UST: variants seen among roughly 807,000 people sequenced by gnomAD.
The protein encoded by UST is uronyl 2-sulfotransferase, also known as chondroitin sulfate 2-O-sulfotransferase.
UST carries 21 observed loss-of-function variants against 45.6 expected under a neutral mutation model. The observed-to-expected ratio is 0.46, with a 90% CI of 0.33 to 0.66. UST has a LOEUF of 0.66. UST is among the 30% of genes least tolerant of loss of function. UST has a pLI of 0.02. For synonymous variants in UST, 215 were observed against 200.6 expected (o/e 1.07, Z -0.61); for missense variants, 463 against 512.4 (o/e 0.90, Z 0.93).
intron 2 of UST, among the ~76,000 whole-genome samples, chr6:148,932,849 G>A (rs1444794970): frequency 6.6e-6 from 1 of 152,230 alleles, no homozygotes; most frequent in African/African-American, 2.4e-5. Flanking sequence ...TTAATATTTA[G>A]AAGTGCAGGA....
chr6:148,832,498 A>G (rs1406536583), intron 1 of UST, among the ~76,000 whole-genome samples: 2 of 152,202 alleles, frequency 1.3e-5, no homozygotes, highest in African/African-American at 4.8e-5. Flanking sequence ...TAATTTAAAG[A>G]TGTAGCTGAG....
chr6:149,005,381 G>A (rs561887575), intron 5 of UST: 3 of 985,418 alleles, frequency 3.0e-6, no homozygotes, highest in East Asian at 1.1e-4. Context: ...AGAAGAATTC[G>A]GGATCTGACA....
chr6:149,032,107 G>A (rs1390140435), intron 7 of UST, among the ~76,000 whole-genome samples: 1 of 152,174 alleles, frequency 6.6e-6, no homozygotes, highest in Non-Finnish European at 1.5e-5. Flanking sequence ...AGAGGCAGGA[G>A]AAGGATCCGC....
At chr6:148,832,694 C>T (rs911710585) in intron 1 of UST, among the ~76,000 whole-genome samples, 2 of 152,188 alleles carry the variant, frequency 1.3e-5, no homozygotes, top group Non-Finnish European at 2.9e-5. Context: ...TTAGAAAATG[C>T]AAATCCAGTG....
intron 2 of UST, among the ~76,000 whole-genome samples, chr6:148,927,371 CTT>C (rs376287233): frequency 2.0e-5 from 3 of 152,080 alleles, no homozygotes; most frequent in African/African-American, 7.2e-5. Context: ...GTTGAACAAA[CTT>C]TACTTTGGAT....
chr6:148,964,948 T>C (rs956331033), intron 5 of UST, among the ~76,000 whole-genome samples: 12 of 152,046 alleles, frequency 7.9e-5, no homozygotes, highest in Admixed American at 7.2e-4. Context: ...CCCATTCAGT[T>C]CCCATGACCA....
At chr6:148,823,272 TAAAG>T (rs1777500449) in intron 1 of UST, among the ~76,000 whole-genome samples, 1 of 152,212 alleles carries the variant, frequency 6.6e-6, no homozygotes, top group Non-Finnish European at 1.5e-5. Context: ...TTTATCTAAA[TAAAG>T]CAAACTAGAA....
chr6:148,848,398 C>T (rs1285384051), intron 1 of UST, among the ~76,000 whole-genome samples: 1 of 152,166 alleles, frequency 6.6e-6, no homozygotes, highest in Non-Finnish European at 1.5e-5. Context: ...TAAGGCTGGG[C>T]ATGGTGGCTC....
intron 1 of UST, among the ~76,000 whole-genome samples, chr6:148,858,597 A>C (rs1047041062): frequency 6.6e-6 from 1 of 151,824 alleles, no homozygotes; most frequent in Non-Finnish European, 1.5e-5. Context: ...CGCTGCACCC[A>C]TTAACTCGTC....
chr6:149,004,144 T>C (rs1232177691), intron 5 of UST, among the ~76,000 whole-genome samples: 2 of 152,162 alleles, frequency 1.3e-5, no homozygotes, highest in Non-Finnish European at 2.9e-5. Flanking sequence ...TAATAGAACA[T>C]AGTATTTAAT....
At chr6:149,009,849 C>T (rs1185984230) in intron 5 of UST, among the ~76,000 whole-genome samples, 1 of 150,098 alleles carries the variant, frequency 6.7e-6, no homozygotes, top group African/African-American at 2.5e-5. Context: ...GTACATATTA[C>T]TTTGACAAAC....
intron 2 of UST, among the ~76,000 whole-genome samples, chr6:148,931,793 G>A (rs2114911176): frequency 6.6e-6 from 1 of 152,266 alleles, no homozygotes; most frequent in South Asian, 2.1e-4. Flanking sequence ...CATCCACGTG[G>A]GTTTCTCCAC....
At chr6:148,949,230 G>T (rs894546720) in intron 3 of UST, among the ~76,000 whole-genome samples, 4 of 151,580 alleles carry the variant, frequency 2.6e-5, no homozygotes, top group African/African-American at 7.3e-5. Flanking sequence ...GGGGGAGGTT[G>T]CAGTGAGCCA....
chr6:149,021,465 T>C lies in UST; in HGVS notation c.921T>C (p.Ser307=), dbSNP rs775821799. The part of the protein sequence containing the change: ...FLPHYFKGVL[S]IYKDPEHRKL... ...CTCATTACTTCAAGGGCGTGCTCAG[T>C]ATCTACAAAGACCCAGGTAACTTCA... is the stretch of plus-strand genomic sequence containing the variant. The change falls in exon 7 of 8, where the codon AGT becomes AGC. Residue 307 remains serine, a synonymous_variant. Coordinates refer to ENST00000367463, the MANE Select transcript of UST (RefSeq NM_005715.3). The C allele has an allele frequency of 1.2e-6, 2 of 1,614,030 alleles. No homozygotes were observed. Among genetic ancestry groups the C allele is most frequent in the Admixed American group, 1.7e-5 (1 of 60,004 alleles).
intron 3 of UST, among the ~76,000 whole-genome samples, chr6:148,944,626 C>T (rs1314117304): frequency 2.0e-5 from 3 of 151,286 alleles, no homozygotes; most frequent in Admixed American, 6.6e-5. Flanking sequence ...GTGAAGACAC[C>T]AAATGTTAGA....
rs1310641834 is a variant in UST at position 148,914,942 on chromosome 6, G to T, written c.292-26337G>T. Among the ~76,000 whole-genome samples the T allele has an allele frequency of 4.0e-5, 6 of 150,172 alleles. No homozygotes were observed. In the East Asian group the frequency reaches 1.1e-3, roughly 27 times the overall value. On this transcript the variant is annotated intron_variant, in intron 2 of 7. Transcript: ENST00000367463. ...AAAGTTATTTCTCACAGTTCTGGAGGGTGGAAGGTCAAAAGGTCAAGATGC... is the reference window on the plus strand; with the variant it reads ...AAAGTTATTTCTCACAGTTCTGGAGTGTGGAAGGTCAAAAGGTCAAGATGC...
intron 5 of UST, among the ~76,000 whole-genome samples, chr6:149,002,441 T>C (rs1781568358): frequency 6.6e-6 from 1 of 152,176 alleles, no homozygotes; most frequent in Non-Finnish European, 1.5e-5. Flanking sequence ...AGTTACCAGT[T>C]AAAAACTAAA....
chr6:148,980,398 C>T (rs1031384374), intron 5 of UST, among the ~76,000 whole-genome samples: 2 of 152,192 alleles, frequency 1.3e-5, no homozygotes, highest in African/African-American at 4.8e-5. Flanking sequence ...CTGCTCTCCT[C>T]AAATTCCAGA....
chr6:149,046,235 G>C (rs916885829), intron 7 of UST, among the ~76,000 whole-genome samples: 1 of 152,214 alleles, frequency 6.6e-6, no homozygotes, highest in African/African-American at 2.4e-5. Flanking sequence ...TTTAACAAAA[G>C]CAAGCTCAGA....
Sources: allele counts gnomAD v4.1 joint callset (sites outside exome capture counted in the v4.1 genomes callset), GRCh38; gene constraint gnomAD v4.1.1; transcripts MANE v1.5; gene names NCBI Gene and HGNC (gene_info 2026-07-23, HGNC 2026-07-21).